Variants in PIP4P2 observed in about 807,000 individuals in gnomAD.
PIP4P2 encodes the protein type 2 phosphatidylinositol 4,5-bisphosphate 4-phosphatase.
A neutral mutation model predicts 33.3 loss-of-function variants in PIP4P2; 19 were observed. The ratio of observed to expected loss-of-function variants is 0.57; its 90% CI spans 0.40 to 0.84. The LOEUF (loss-of-function observed/expected upper bound fraction) is 0.84, where lower values mean the gene tolerates loss of function less well. Among genes scored for constraint, PIP4P2 ranks in the 40% least tolerant of loss-of-function variants. The pLI, the probability that PIP4P2 is intolerant of heterozygous loss-of-function variation, is 0.00. For missense variants in PIP4P2, 270 were observed against 324.7 expected, an observed-to-expected ratio of 0.83 and a Z score of 1.29; for synonymous variants, 110 against 111.9, an observed-to-expected ratio of 0.98 and a Z score of 0.11.
At chr8:91,011,584 C>G (rs1177524323) in intron 4 of PIP4P2, among the ~76,000 whole-genome samples, 1 of 151,994 alleles carries the variant, frequency 6.6e-6, no homozygotes, top group Non-Finnish European at 1.5e-5. Context: ...AAAGAATATC[C>G]TATTTTAAAT....
intron 5 of PIP4P2, among the ~76,000 whole-genome samples, chr8:90,998,472 A>C (rs887507912): frequency 6.6e-6 from 1 of 152,084 alleles, no homozygotes; most frequent in African/African-American, 2.4e-5. Flanking sequence ...ATGACCAACA[A>C]GCACTTATTA....
chr8:91,021,802 A>G (rs928966746), intron 1 of PIP4P2, among the ~76,000 whole-genome samples: 1 of 152,224 alleles, frequency 6.6e-6, no homozygotes, highest in African/African-American at 2.4e-5. Flanking sequence ...CGATGAAAGC[A>G]AAGTTTTAAA....
intron 1 of PIP4P2, among the ~76,000 whole-genome samples, chr8:91,029,835 C>T (rs1812135950): frequency 1.3e-5 from 2 of 151,936 alleles, no homozygotes; most frequent in African/African-American, 4.8e-5. Flanking sequence ...GGCGTGGTGG[C>T]GGGCGCCTGT....
At chr8:91,005,099 A>T (rs979522459) in intron 5 of PIP4P2, among the ~76,000 whole-genome samples, 1 of 152,210 alleles carries the variant, frequency 6.6e-6, no homozygotes, top group African/African-American at 2.4e-5. Flanking sequence ...ATGATGATTA[A>T]CCAATCTAGC....
chr8:91,017,015 A>G (rs1014243985), intron 4 of PIP4P2, among the ~76,000 whole-genome samples: 3 of 152,234 alleles, frequency 2.0e-5, no homozygotes, highest in Non-Finnish European at 4.4e-5. Context: ...AATCATAAAA[A>G]TTGTAAACAC....
At chr8:91,027,675 T>C (rs1465993762) in intron 1 of PIP4P2, among the ~76,000 whole-genome samples, 2 of 152,012 alleles carry the variant, frequency 1.3e-5, no homozygotes, top group African/African-American at 2.4e-5. Flanking sequence ...GATTCAATCT[T>C]TGTTTTAAAG....
Position 91,037,290 on chromosome 8 carries a change from G to A in PIP4P2, c.106+3354C>T, listed in dbSNP as rs112551212. On this transcript the variant is annotated intron_variant, in intron 1 of 6. Transcript: ENST00000285419. ...CTACTGCTGTTTCCATTTTAGCCAC[G>A]TTGGCCTTCCTTAAGTTCCTTGTAT... is the stretch of plus-strand genomic sequence containing the variant. 7.4e-3 allele frequency among the ~76,000 whole-genome samples: 1,131 copies of A among 152,160 alleles called. 10 individuals carry two copies. The highest frequency in any genetic ancestry group is 0.026 in the African/African-American group (1,083 of 41,488).
chr8:91,020,119 CAAAT>C lies in PIP4P2; in HGVS notation c.362+34_362+37del, dbSNP rs767200466. The C allele has an allele frequency of 4.2e-5, 67 of 1,597,504 alleles. No homozygotes were observed. The South Asian group carries it at 5.0e-4, about 12-fold the overall frequency. On this transcript the variant is annotated intron_variant, in intron 3 of 6. Coordinates refer to ENST00000285419, the MANE Select transcript of PIP4P2 (RefSeq NM_018710.3). The stretch of plus-strand genomic sequence containing the variant: ...CTTTAGTAAATACTTGTTGAATGAA[CAAAT>C]GAATGAATCAATGAATTAATCTTTA...
Position 90,995,778 on chromosome 8 carries a change from C to A in PIP4P2, c.673G>T (p.Val225Phe), listed in dbSNP as rs781687794. Residue 225 changes from valine to phenylalanine, a missense_variant, in exon 7 of 7, where the codon GTT becomes TTT. Transcript: ENST00000285419. ...DFARRFRATY[V>F]SWAIAYLLGL... ...AGGAGATAAGCAATTGCCCAAGAAA[C>A]ATAGGTTGCTCGAAATCGCCTTGCA... 2 of 1,611,040 alleles carry A rather than the reference C, an allele frequency of 1.2e-6. No individual in the cohort carries two copies. Among genetic ancestry groups the A allele is most frequent in the South Asian group, 2.2e-5 (2 of 90,248 alleles).
At chr8:91,002,110 G>A (rs986654661) in intron 5 of PIP4P2, among the ~76,000 whole-genome samples, 10 of 151,940 alleles carry the variant, frequency 6.6e-5, no homozygotes, top group African/African-American at 1.5e-4. Context: ...TTCTAACCCC[G>A]CTACCTTGTG....
chr8:91,002,967 A>C (rs1811718777), intron 5 of PIP4P2, among the ~76,000 whole-genome samples: 1 of 152,220 alleles, frequency 6.6e-6, no homozygotes, highest in Non-Finnish European at 1.5e-5. Context: ...AGTTAGGCAA[A>C]GACTAAAAGA....
chr8:91,019,820 C>T (rs962842893), intron 3 of PIP4P2, among the ~76,000 whole-genome samples: 12 of 152,108 alleles, frequency 7.9e-5, no homozygotes, highest in African/African-American at 2.7e-4. Flanking sequence ...CCCACCTCAG[C>T]CTCCCAAATT....
At position 91,021,966 on chromosome 8, in the gene PIP4P2, G is replaced by C. The variant is rs189354154; in HGVS notation, c.107-562C>G. Among the ~76,000 whole-genome samples the C allele has an allele frequency of 2.9e-3, 447 of 152,162 alleles. 1 individual carries two copies. The highest frequency in any genetic ancestry group is 9.9e-3 in the African/African-American group (411 of 41,548). ...GAACCTAAGAAAACTAAACTTCTCA[G>C]CATGGAACAAAAATGGGAACCATGC... On this transcript the variant is annotated intron_variant, in intron 1 of 6. Transcript: ENST00000285419.
intron 5 of PIP4P2, among the ~76,000 whole-genome samples, chr8:91,001,612 A>C (rs995091754): frequency 2.0e-5 from 3 of 152,218 alleles, no homozygotes; most frequent in African/African-American, 7.2e-5. Context: ...GTAATTTTTA[A>C]ATAGTCTTAC....
intron 5 of PIP4P2, among the ~76,000 whole-genome samples, chr8:90,998,815 G>T (rs1320576920): frequency 1.3e-5 from 2 of 151,704 alleles, no homozygotes; most frequent in African/African-American, 4.8e-5. Context: ...AGTTATATAG[G>T]TTGCCTGGAG....
intron 1 of PIP4P2, among the ~76,000 whole-genome samples, chr8:91,023,462 A>G (rs1486876012): frequency 1.3e-5 from 2 of 152,080 alleles, no homozygotes; most frequent in Non-Finnish European, 2.9e-5. Context: ...AAATCTCCTA[A>G]GAAAATTTCA....
At chr8:91,040,481 A>T (rs1812290577) in intron 1 of PIP4P2, among the ~76,000 whole-genome samples, 163 bp downstream of exon 1, 1 of 151,802 alleles carries the variant, frequency 6.6e-6, no homozygotes, top group African/African-American at 2.4e-5. Context: ...AGAAGCTATC[A>T]GGCAGGCGGG....
intron 1 of PIP4P2, among the ~76,000 whole-genome samples, chr8:91,034,791 T>C (rs1486513384): frequency 3.9e-5 from 6 of 152,228 alleles, no homozygotes; most frequent in Non-Finnish European, 7.3e-5. Flanking sequence ...GTGTCATCTC[T>C]TCCTGCCAAT....
At chr8:91,033,866 A>G (rs374666847) in intron 1 of PIP4P2, among the ~76,000 whole-genome samples, 6 of 152,256 alleles carry the variant, frequency 3.9e-5, no homozygotes, top group African/African-American at 1.4e-4. Flanking sequence ...TGCAGCCTCA[A>G]GCTCCTGGGC....
Sources: allele counts gnomAD v4.1 joint callset (sites outside exome capture counted in the v4.1 genomes callset), GRCh38; gene constraint gnomAD v4.1.1; transcripts MANE v1.5; gene names NCBI Gene and HGNC (gene_info 2026-07-23, HGNC 2026-07-21).